The following SEZ6 variants were observed in gnomAD, a reference collection of about 807,000 sequenced individuals.
The protein encoded by SEZ6 is seizure protein 6 homolog.
Under a neutral mutation model 101.0 loss-of-function variants are expected in SEZ6, and 53 were observed. That is an observed-to-expected ratio of 0.52 (90% CI 0.42 to 0.66). SEZ6 has a LOEUF of 0.66. Ranked by LOEUF, SEZ6 falls within the 30% of genes least tolerant of loss-of-function variation. The pLI is 0.00. For missense variants in SEZ6, 1,102 were observed against 1,289.4 expected (o/e 0.85, Z 2.23); for synonymous variants, 488 against 512.2 (o/e 0.95, Z 0.64).
At chr17:28,975,901 G>C (rs1347494842) in intron 3 of SEZ6, among the ~76,000 whole-genome samples, 3 of 152,354 alleles carry the variant, frequency 2.0e-5, no homozygotes, top group South Asian at 2.1e-4. Context: ...GAAGGCTCTT[G>C]GAATGCCAAG....
At chr17:28,993,490 G>T (rs1222175016) in intron 1 of SEZ6, among the ~76,000 whole-genome samples, 2 of 152,220 alleles carry the variant, frequency 1.3e-5, no homozygotes, top group African/African-American at 2.4e-5. Flanking sequence ...TTCTCTGAAT[G>T]GAAAATCTTG....
intron 7 of SEZ6, 78 bp downstream of exon 7, chr17:28,960,427 A>T (rs772214244): frequency 2.5e-5 from 38 of 1,518,452 alleles, no homozygotes; most frequent in Non-Finnish European, 3.3e-5. Flanking sequence ...AGAGAGGGGT[A>T]GGGTGTGGGA....
chr17:29,003,387 C>T (rs1016495524), intron 1 of SEZ6, among the ~76,000 whole-genome samples: 8 of 152,230 alleles, frequency 5.3e-5, no homozygotes, highest in South Asian at 4.1e-4. Flanking sequence ...AAGCCCAGCA[C>T]GATTTTGCCC....
chr17:28,988,177 ACTC>A (rs2041408673), intron 1 of SEZ6, among the ~76,000 whole-genome samples: 1 of 151,678 alleles, frequency 6.6e-6, no homozygotes, highest in South Asian at 2.1e-4. Flanking sequence ...TGGCTTCTCT[ACTC>A]CTTTGTCTCT....
At position 28,957,082 on chromosome 17, in the gene SEZ6, G is replaced by C; in HGVS notation, c.2655C>G (p.Pro885=). Residue 885 remains proline (P), a synonymous_variant, in exon 13 of 17, where the codon CCC becomes CCG. Coordinates refer to ENST00000317338, the MANE Select transcript of SEZ6 (RefSeq NM_178860.5). ...QASIKCVPGH[P]SHWSDPPPIC... Reference sequence around the variant, plus strand: ...TGGGTGGGGGGTCACTCCAATGCGAGGGGTGCCCAGGCACACACTTGATGC... The same window carrying C: ...TGGGTGGGGGGTCACTCCAATGCGACGGGTGCCCAGGCACACACTTGATGC... 6.2e-7 allele frequency: 1 copy of C among 1,608,522 alleles called. No individual in the cohort carries two copies. The highest frequency in any genetic ancestry group is 8.5e-7 in the Non-Finnish European group (1 of 1,175,910).
At chr17:28,993,134 C>T (rs1297847677) in intron 1 of SEZ6, among the ~76,000 whole-genome samples, 1 of 152,080 alleles carries the variant, frequency 6.6e-6, no homozygotes, top group Non-Finnish European at 1.5e-5. Context: ...CACCCCTCAC[C>T]AGTCTGATAA....
chr17:28,996,433 C>T (rs1167557820), intron 1 of SEZ6, among the ~76,000 whole-genome samples: 3 of 152,292 alleles, frequency 2.0e-5, no homozygotes, highest in Non-Finnish European at 4.4e-5. Context: ...TGGCCTGGCC[C>T]TTCACTTCCC....
At chr17:28,987,284 C>T (rs2041397534) in intron 1 of SEZ6, among the ~76,000 whole-genome samples, 1 of 152,154 alleles carries the variant, frequency 6.6e-6, no homozygotes. Flanking sequence ...TATCCGAGAA[C>T]CTGAGGGAGC....
At chr17:29,004,582 C>T (rs903338575) in intron 1 of SEZ6, among the ~76,000 whole-genome samples, 10 of 152,210 alleles carry the variant, frequency 6.6e-5, no homozygotes, top group African/African-American at 2.2e-4. Flanking sequence ...AGAAAACTGC[C>T]GTCCGGGGGC....
intron 3 of SEZ6, among the ~76,000 whole-genome samples, chr17:28,977,896 T>C (rs942125389): frequency 1.3e-5 from 2 of 152,164 alleles, no homozygotes; most frequent in Non-Finnish European, 2.9e-5. Context: ...TGCTAATGGC[T>C]TGAGGCGGGG....
intron 1 of SEZ6, among the ~76,000 whole-genome samples, chr17:28,986,035 C>G (rs2041377375): frequency 6.6e-6 from 1 of 152,258 alleles, no homozygotes; most frequent in Admixed American, 6.5e-5. Context: ...CTGGTGGAGA[C>G]TGCCCAGGAA....
rs574298680 is a variant in SEZ6, at chr17:28,993,007, A to C, written c.56-10968T>G. On this transcript the variant is annotated intron_variant, in intron 1 of 16. Transcript: ENST00000317338. The stretch of plus-strand genomic sequence containing the variant: ...CAGTTCCTCAGACTGGGCAGGTGGC[A>C]CTGGAGCTGGGGGCCTGGAGTGGGG... 9.2e-5 allele frequency among the ~76,000 whole-genome samples: 14 copies of C among 152,072 alleles called. No homozygotes were observed. In the East Asian group the frequency reaches 2.7e-3, roughly 29 times the overall value.
rs570264709 is a variant in SEZ6, at chr17:29,005,155, C to T, written c.55+660G>A. On this transcript the variant is annotated intron_variant, in intron 1 of 16. Coordinates refer to ENST00000317338, the MANE Select transcript of SEZ6 (RefSeq NM_178860.5). The surrounding 1 kb of genome is among the most constrained non-coding windows in gnomAD (Gnocchi z 4.8). ...ACTTTGGGGAGGACAGAGTCTCTAT[C>T]CCAGGATCTCCGCTGCTGCAGCCGA... Among the ~76,000 whole-genome samples the T allele has an allele frequency of 1.6e-4, 24 of 152,042 alleles. No individual in the cohort carries two copies. The highest frequency in any genetic ancestry group is 1.1e-3 in the Admixed American group (17 of 15,284).
rs770799462 is a variant in SEZ6 at position 28,981,561 on chromosome 17, G to T, written c.534C>A (p.Ser178Arg). 7 of 1,612,406 alleles carry T rather than the reference G, an allele frequency of 4.3e-6. No homozygotes were observed. The East Asian group carries it at 1.6e-4, about 36-fold the overall frequency. Reference sequence around the variant, plus strand: ...CCTCTTGGGTTGGTGTCCAGGCTCTGCTGGGGGGTGTAGTGCTGGCTATCT... The same window carrying T: ...CCTCTTGGGTTGGTGTCCAGGCTCTTCTGGGGGGTGTAGTGCTGGCTATCT... ...PGEIASTTPP[S>R]RAWTPTQEGP... Residue 178 changes from serine to arginine, a missense_variant, in exon 2 of 17, where the codon AGC becomes AGA. Physicochemically the swap from Ser to Arg is moderately radical, Grantham distance 110. Around this residue, in one of 3 missense-constraint regions of SEZ6, gnomAD observed 406 missense variants for 418.6 expected, o/e 0.97. Transcript: ENST00000317338.
At chr17:28,998,151 G>A (rs573716819) in intron 1 of SEZ6, among the ~76,000 whole-genome samples, 1 of 152,228 alleles carries the variant, frequency 6.6e-6, no homozygotes, top group South Asian at 2.1e-4. Context: ...GGGGCTGGAA[G>A]TTGAGGGGAG....
chr17:29,004,723 T>C (rs1162132478), intron 1 of SEZ6, among the ~76,000 whole-genome samples: 1 of 152,132 alleles, frequency 6.6e-6, no homozygotes, highest in Non-Finnish European at 1.5e-5. Context: ...ATGGCAGGTC[T>C]CAACTCCAAG....
At chr17:29,004,953 G>A (rs1174284860) in intron 1 of SEZ6, among the ~76,000 whole-genome samples, 1 of 152,188 alleles carries the variant, frequency 6.6e-6, no homozygotes, top group Non-Finnish European at 1.5e-5. Context: ...GACTCCTAGA[G>A]GGGGCGCGGG....
At chr17:28,986,965 G>T (rs567435516) in intron 1 of SEZ6, among the ~76,000 whole-genome samples, 1 of 152,330 alleles carries the variant, frequency 6.6e-6, no homozygotes, top group East Asian at 1.9e-4. Flanking sequence ...TCTGAGGTGG[G>T]CAGTCACGGG....
At chr17:28,963,928 G>A (rs369750360) in intron 5 of SEZ6, 34 bp downstream of exon 5, 10 of 1,563,950 alleles carry the variant, frequency 6.4e-6, no homozygotes, top group Non-Finnish European at 8.6e-6. Flanking sequence ...TCACTTCTCT[G>A]CTCAGCACTG....
Sources: gnomAD v4.1 joint callset for allele counts (sites outside exome capture counted in the v4.1 genomes callset) on GRCh38, gnomAD v4.1.1 for gene constraint, gnomAD v4.1.1 regional missense constraint, Gnocchi (gnomAD v3.1) non-coding constraint, MANE v1.5 for transcripts, NCBI Gene and HGNC (gene_info 2026-07-23, HGNC 2026-07-21) for gene names.